Variants in GLB1L3 observed in about 807,000 individuals in gnomAD.
GLB1L3 encodes the protein galactosidase beta 1 like 3.
GLB1L3 carries 89 observed loss-of-function variants against 89.5 expected under a neutral mutation model. The ratio of observed to expected loss-of-function variants is 0.99; its 90% confidence interval spans 0.84 to 1.19. The LOEUF is 1.19. GLB1L3 is among the 50% of genes most tolerant of loss of function. The probability of loss-of-function intolerance (pLI) is 0.00; values close to 1 mark genes in which losing one functional copy is unlikely to be tolerated. For synonymous variants in GLB1L3, 314 were observed against 312.3 expected (o/e 1.01, Z -0.06); for missense variants, 812 against 813.3 (o/e 1.00, Z 0.02).
chr11:134,307,159 C>G lies in GLB1L3; in HGVS notation c.912C>G (p.Val304=), dbSNP rs763718847. ...CCCTTCTGATTATGGAATACTGGGT[C>G]GGCTGGTTCGACAGATGGGGAGATA... The part of the protein sequence containing the change: ...DKPLLIMEYW[V]GWFDRWGDKH... The change falls in exon 10 of 20, where the codon GTC becomes GTG. Residue 304 remains valine, a synonymous_variant. Coordinates refer to ENST00000431683, the MANE Select transcript of GLB1L3 (RefSeq NM_001080407.3). The G allele has an allele frequency of 6.2e-7, 1 of 1,613,564 alleles. No homozygotes were observed. The highest frequency in any genetic ancestry group is 1.1e-5 in the South Asian group (1 of 90,982).
At chr11:134,308,475 T>TACC (rs1223184668) in intron 10 of GLB1L3, among the ~76,000 whole-genome samples, 3 of 20,382 alleles carry the variant, frequency 1.5e-4, no homozygotes, top group Non-Finnish European at 1.9e-4. Context: ...CACCACCAAA[T>TACC]ACCACCACCA....
intron 6 of GLB1L3, among the ~76,000 whole-genome samples, chr11:134,286,798 A>G (rs1941023131): frequency 6.8e-6 from 1 of 147,514 alleles, no homozygotes; most frequent in Admixed American, 6.7e-5. Context: ...AAATACATAA[A>G]TAAGAAATAG....
chr11:134,277,069 G>A, intron 1 of GLB1L3: 1 of 578,102 alleles, frequency 1.7e-6, no homozygotes, highest in Non-Finnish European at 3.1e-6. Context: ...CCTCTCCCAG[G>A]CACCCACCGG....
At chr11:134,278,187 C>A (rs1157824123) in intron 3 of GLB1L3, among the ~76,000 whole-genome samples, 1 of 152,116 alleles carries the variant, frequency 6.6e-6, no homozygotes, top group Non-Finnish European at 1.5e-5. Context: ...GAACACCAGG[C>A]GCCCTTGGGA....
chr11:134,299,549 G>T (rs1026841965), intron 9 of GLB1L3, among the ~76,000 whole-genome samples: 3 of 152,040 alleles, frequency 2.0e-5, no homozygotes, highest in Admixed American at 2.0e-4. Flanking sequence ...TGTTTCTGGT[G>T]GTACCTTGTG....
intron 9 of GLB1L3, among the ~76,000 whole-genome samples, chr11:134,300,604 G>A (rs1320492445): frequency 6.6e-6 from 1 of 152,128 alleles, no homozygotes. Flanking sequence ...AAAGTGCTGG[G>A]ATTACAGGCG....
At chr11:134,296,870 AAC>A (rs1941683744) in intron 9 of GLB1L3, among the ~76,000 whole-genome samples, 1 of 150,250 alleles carries the variant, frequency 6.7e-6, no homozygotes. Context: ...AATAAAAACA[AAC>A]AAACAAAAAA....
At position 134,293,128 on chromosome 11, in the gene GLB1L3, C is replaced by T. The variant is rs1280649684; in HGVS notation, c.812-17C>T. The T allele has an allele frequency of 1.2e-6, 2 of 1,612,038 alleles. No individual in the cohort carries two copies. The highest frequency in any genetic ancestry group is 4.5e-5 in the East Asian group (2 of 44,860). ...CTTGTCTCATGCCTCAGCTGGGTCT[C>T]TCTCTTCTTTATGCAGTGTTGGCCG... On this transcript the variant is annotated splice_polypyrimidine_tract_variant and intron_variant, in intron 8 of 19. Transcript: ENST00000431683.
rs1943081700 is a variant in GLB1L3 at position 134,318,656 on chromosome 11, T to C, written c.1805T>C (p.Ile602Thr). Residue 602 changes from isoleucine to threonine, a missense_variant, in exon 19 of 20, where the codon ATC (isoleucine) becomes ACC (threonine). Physicochemically the swap from Ile to Thr is moderately conservative, Grantham distance 89 (BLOSUM62 -1). Coordinates refer to ENST00000431683, the MANE Select transcript of GLB1L3 (RefSeq NM_001080407.3). ...AACTGGAATTATGGATTTGTGTTCA[T>C]CAATGGACGTAACCTTGGGCGATAT... Reference protein sequence around the residue: ...LLNWNYGFVFINGRNLGRYWN... With the variant: ...LLNWNYGFVFTNGRNLGRYWN... The C allele has an allele frequency of 6.2e-7, 1 of 1,610,656 alleles. No individual in the cohort carries two copies. The highest frequency in any genetic ancestry group is 8.5e-7 in the Non-Finnish European group (1 of 1,177,302).
chr11:134,276,730 G>C lies in GLB1L3; in HGVS notation c.-11G>C. 6.2e-6 allele frequency: 9 copies of C among 1,449,992 alleles called. No homozygotes were observed. Among genetic ancestry groups the C allele is most frequent in the South Asian group, 1.3e-5 (1 of 74,586 alleles). The allele number at this position is 1,449,992 out of a possible 1,614,324, so 89.8% of individuals were successfully genotyped here. On this transcript the variant is annotated 5_prime_UTR_variant, in exon 1 of 20. Transcript: ENST00000431683. ...GCCGCAAGGGACCCTCGGCGCCTCG[G>C]CCTGGCCGCGATGAAGTCCCCGCCC...
chr11:134,286,646 G>A (rs758510072), intron 6 of GLB1L3, among the ~76,000 whole-genome samples: 29 of 151,240 alleles, frequency 1.9e-4, no homozygotes, highest in Admixed American at 6.6e-5. Context: ...GCGTGGTGGC[G>A]GGCGCCTGTA....
chr11:134,299,557 G>A (rs143701123), intron 9 of GLB1L3, among the ~76,000 whole-genome samples: 17 of 152,232 alleles, frequency 1.1e-4, no homozygotes, highest in African/African-American at 4.1e-4. Context: ...GTGGTACCTT[G>A]TGTCAAGGGC....
intron 1 of GLB1L3, 178 bp from the exon 2 acceptor site, chr11:134,277,148 G>A: frequency 2.6e-6 from 2 of 754,822 alleles, no homozygotes; most frequent in East Asian, 2.5e-5. Context: ...TGGCTGCAGA[G>A]GACTGGCCGG....
At chr11:134,322,953 T>C (rs1174998256), downstream of GLB1L3, among the ~76,000 whole-genome samples, 1 of 152,218 alleles carries the variant, frequency 6.6e-6, no homozygotes, top group Non-Finnish European at 1.5e-5. Context: ...TGCTGGGTCA[T>C]ACGGTAATTC....
At chr11:134,319,749 C>CGCGCGCGTGCATGTGTGTGTGT (rs1943135612), downstream of GLB1L3, among the ~76,000 whole-genome samples, 1 of 129,248 alleles carries the variant, frequency 7.7e-6, no homozygotes, top group Non-Finnish European at 1.8e-5. Flanking sequence ...TGTGTGTGTG[C>CGCGCGCGTGCATGTGTGTGTGT]GCGCGCGCGT....
Position 134,286,755 on chromosome 11 carries a change from C to T in GLB1L3, c.637-2043C>T, listed in dbSNP as rs181329087. Among the ~76,000 whole-genome samples, 12 of 150,354 alleles carry T rather than the reference C, an allele frequency of 8.0e-5. 1 individual carries two copies. The highest frequency in any genetic ancestry group is 2.0e-4 in the African/African-American group (8 of 40,956). On this transcript the variant is annotated intron_variant, in intron 6 of 19. Coordinates refer to ENST00000431683, the MANE Select transcript of GLB1L3 (RefSeq NM_001080407.3). ...TGGCGCCACCGCACTCCAGCCTGGGCGACAGAGCGAGACTCCGTCTCAAAA... is the reference window on the plus strand; with the variant it reads ...TGGCGCCACCGCACTCCAGCCTGGGTGACAGAGCGAGACTCCGTCTCAAAA...
At chr11:134,308,720 T>C (rs1942569958) in intron 10 of GLB1L3, among the ~76,000 whole-genome samples, 1 of 151,178 alleles carries the variant, frequency 6.6e-6, no homozygotes, top group Non-Finnish European at 1.5e-5. Context: ...TGGTCTCTTG[T>C]ATGGCAGGCA....
upstream of GLB1L3, chr11:134,276,138 C>G (rs563483451): frequency 6.6e-6 from 1 of 152,334 alleles, no homozygotes; most frequent in African/African-American, 2.4e-5. Flanking sequence ...TGAGGCTGTG[C>G]TCGGGCCGCT....
chr11:134,290,072 G>C (rs886999995), intron 7 of GLB1L3, among the ~76,000 whole-genome samples: 1 of 152,254 alleles, frequency 6.6e-6, no homozygotes, highest in African/African-American at 2.4e-5. Context: ...TGGCTCCCGC[G>C]CTATAGCTGT....
Sources: gnomAD v4.1 joint callset for allele counts (sites outside exome capture counted in the v4.1 genomes callset) on GRCh38, gnomAD v4.1.1 for gene constraint, MANE v1.5 for transcripts, NCBI Gene and HGNC (gene_info 2026-07-23, HGNC 2026-07-21) for gene names.